Variants in RBFOX1 observed in about 807,000 individuals in gnomAD.
RBFOX1 encodes RNA binding protein fox-1 homolog 1.
A neutral mutation model predicts 57.7 loss-of-function variants in RBFOX1; 8 were observed. That is an observed-to-expected ratio of 0.14 (90% CI 0.08 to 0.25). The LOEUF (loss-of-function observed/expected upper bound fraction) is 0.25. Ranked by LOEUF, RBFOX1 falls within the 10% of genes least tolerant of loss-of-function variation. The pLI is 1.00. For missense variants in RBFOX1, 611 were observed against 548.5 expected (o/e 1.11, Z -1.14); for synonymous variants, 326 against 222.4 (o/e 1.47, Z -4.15).
At chr16:5,750,324 T>C (rs570619741) in intron 3 of RBFOX1, among the ~76,000 whole-genome samples, 2 of 152,352 alleles carry the variant, frequency 1.3e-5, no homozygotes, top group South Asian at 4.1e-4. Context: ...AGGAACGTAC[T>C]TGAGGAGGCA....
intron 4 of RBFOX1, among the ~76,000 whole-genome samples, chr16:7,249,068 A>G (rs2094417777): frequency 6.6e-6 from 1 of 152,118 alleles, no homozygotes. Flanking sequence ...GTAGTGTTCC[A>G]GGAATAGGAC....
intron 1 of RBFOX1, among the ~76,000 whole-genome samples, chr16:6,111,007 G>C (rs1441563702): frequency 6.6e-6 from 1 of 152,158 alleles, no homozygotes; most frequent in African/African-American, 2.4e-5. Flanking sequence ...ATATTTATGA[G>C]GGTTCAGTGG....
chr16:6,596,472 TCTC>T (rs2097777694), intron 2 of RBFOX1, among the ~76,000 whole-genome samples: 1 of 152,152 alleles, frequency 6.6e-6, no homozygotes, highest in Non-Finnish European at 1.5e-5. Flanking sequence ...GTATATTAAT[TCTC>T]CTACTAGGGA....
Position 5,327,941 on chromosome 16 carries a change from C to T in RBFOX1, c.219+87836C>T, listed in dbSNP as rs58222564. 7.9e-3 allele frequency among the ~76,000 whole-genome samples: 1,203 copies of T among 152,214 alleles called. 16 individuals are homozygous for T. Among genetic ancestry groups the T allele is most frequent in the African/African-American group, 0.027 (1,137 of 41,516 alleles). ...CCCTTTCTGGCTTTCCATATTGTTTCTCTGATTATTTCTACGAGTGAGGAG... is the reference window on the plus strand; with the variant it reads ...CCCTTTCTGGCTTTCCATATTGTTTTTCTGATTATTTCTACGAGTGAGGAG... On this transcript the variant is annotated intron_variant, in intron 1 of 2. Coordinates refer to the RBFOX1 transcript ENST00000585867.
At chr16:6,718,476 G>A (rs8061167) in intron 3 of RBFOX1, among the ~76,000 whole-genome samples, 5,439 of 151,440 alleles carry the variant, frequency 0.036, 331 homozygotes, top group African/African-American at 0.13. Context: ...AGGTGTTCAC[G>A]GTTGGACAGA....
At chr16:6,566,430 T>A (rs1171876607) in intron 2 of RBFOX1, among the ~76,000 whole-genome samples, 1 of 151,592 alleles carries the variant, frequency 6.6e-6, no homozygotes, top group African/African-American at 2.4e-5. Context: ...TCCATTTGAT[T>A]TTTTTTTTCT....
chr16:6,751,618 A>G (rs748487529), intron 3 of RBFOX1, among the ~76,000 whole-genome samples: 1 of 152,158 alleles, frequency 6.6e-6, no homozygotes, highest in Non-Finnish European at 1.5e-5. Flanking sequence ...TACTTGTCTT[A>G]GACTGCATGA....
At chr16:7,059,881 G>A (rs761539793) in intron 4 of RBFOX1, among the ~76,000 whole-genome samples, 9 of 152,146 alleles carry the variant, frequency 5.9e-5, no homozygotes, top group African/African-American at 9.7e-5. Flanking sequence ...AAAAATGAGT[G>A]CAGTAAGAAA....
At chr16:6,808,629 T>A (rs961865533) in intron 3 of RBFOX1, among the ~76,000 whole-genome samples, 1 of 152,132 alleles carries the variant, frequency 6.6e-6, no homozygotes, top group African/African-American at 2.4e-5. Flanking sequence ...AAATTTTGAA[T>A]AGATAATAGA....
rs116291912 is a variant in RBFOX1, at chr16:5,769,196, A to G, written c.319-98107A>G. Among the ~76,000 whole-genome samples the G allele has an allele frequency of 6.2e-3, 949 of 152,290 alleles. 11 individuals carry two copies. The highest frequency in any genetic ancestry group is 0.022 in the African/African-American group (914 of 41,558). Reference sequence around the variant, plus strand: ...TTATGAATATGTCATCAACTAAATTATGTCCCCTCAAAATTCATACGGTGA... The same window carrying G: ...TTATGAATATGTCATCAACTAAATTGTGTCCCCTCAAAATTCATACGGTGA... On this transcript the variant is annotated intron_variant, in intron 3 of 19. Transcript: ENST00000641259.
chr16:6,948,794 T>C (rs2080102658), intron 3 of RBFOX1, among the ~76,000 whole-genome samples: 1 of 152,190 alleles, frequency 6.6e-6, no homozygotes, highest in Non-Finnish European at 1.5e-5. Context: ...AAGCGTCTTT[T>C]CTGATAATTT....
chr16:6,865,136 G>A (rs1312920782), intron 3 of RBFOX1, among the ~76,000 whole-genome samples: 1 of 151,366 alleles, frequency 6.6e-6, no homozygotes, highest in African/African-American at 2.4e-5. Flanking sequence ...CCAAGTAGCT[G>A]GGATTACAGG....
At chr16:6,293,340 T>G (rs1036498565) in intron 1 of RBFOX1, among the ~76,000 whole-genome samples, 2 of 152,212 alleles carry the variant, frequency 1.3e-5, no homozygotes, top group Non-Finnish European at 2.9e-5. Flanking sequence ...TACTTACATC[T>G]GCCATGCAAC....
At position 6,517,359 on chromosome 16, in the gene RBFOX1, G is replaced by C. The variant is rs181192358; in HGVS notation, c.-63-137244G>C. 2.6e-4 allele frequency among the ~76,000 whole-genome samples: 39 copies of C among 152,194 alleles called. No homozygotes were observed. The East Asian group carries it at 3.5e-3, about 14-fold the overall frequency. The stretch of plus-strand genomic sequence containing the variant: ...CCTGATCCGAATACATCTGTGTTTG[G>C]GGCAAAACTGGAGGGTCGTCAATTA... On this transcript the variant is annotated intron_variant, in intron 2 of 15. Transcript: ENST00000550418.
At chr16:5,872,071 C>A (rs1054193351) in intron 4 of RBFOX1, among the ~76,000 whole-genome samples, 2 of 152,140 alleles carry the variant, frequency 1.3e-5, no homozygotes, top group Non-Finnish European at 2.9e-5. Flanking sequence ...GCCTCGTTCT[C>A]AGGAAAATAA....
At chr16:6,938,024 A>C (rs756444227) in intron 3 of RBFOX1, among the ~76,000 whole-genome samples, 1 of 151,872 alleles carries the variant, frequency 6.6e-6, no homozygotes. Context: ...GGTTTACGCA[A>C]GTCTGTAGAA....
chr16:6,844,583 T>C (rs1011383233), intron 3 of RBFOX1, among the ~76,000 whole-genome samples: 20 of 152,304 alleles, frequency 1.3e-4, no homozygotes, highest in African/African-American at 4.8e-4. Context: ...CCAGTCTTTG[T>C]CATTGATGGG....
intron 13 of RBFOX1, among the ~76,000 whole-genome samples, chr16:7,670,396 C>A (rs1335320466): frequency 6.6e-6 from 1 of 152,088 alleles, no homozygotes; most frequent in Non-Finnish European, 1.5e-5. Context: ...AGACACTGGG[C>A]CTTGAGCCCA....
intron 3 of RBFOX1, among the ~76,000 whole-genome samples, chr16:5,708,741 C>T (rs1226731152): frequency 6.6e-6 from 1 of 152,302 alleles, no homozygotes; most frequent in East Asian, 1.9e-4. Context: ...AAAAATCCAT[C>T]TTGGGGATAT....
Sources: allele counts gnomAD v4.1 joint callset (sites outside exome capture counted in the v4.1 genomes callset), GRCh38; gene constraint gnomAD v4.1.1; transcripts MANE v1.5; gene names NCBI Gene and HGNC (gene_info 2026-07-23, HGNC 2026-07-21).